Variants in COMMD10 observed in about 807,000 individuals in gnomAD.
COMMD10 encodes COMM domain containing 10.
COMMD10 carries 33 observed loss-of-function variants against 28.9 expected under a neutral mutation model. The observed-to-expected ratio is 1.14, with a 90% CI of 0.87 to 1.53. The LOEUF is 1.53. Ranked by LOEUF, COMMD10 falls within the 40% of genes most tolerant of loss-of-function variation. COMMD10 has a pLI of 0.00. For missense variants in COMMD10, 310 were observed against 233.4 expected (o/e 1.33, Z -2.14); for synonymous variants, 110 against 81.7 (o/e 1.35, Z -1.87).
intron 5 of COMMD10, among the ~76,000 whole-genome samples, chr5:116,277,965 A>T (rs958757155): frequency 1.3e-5 from 2 of 151,882 alleles, no homozygotes; most frequent in African/African-American, 4.9e-5. Flanking sequence ...GAGAAACCTA[A>T]ATTTGAATGT....
At chr5:116,156,842 G>T (rs894377088) in intron 5 of COMMD10, among the ~76,000 whole-genome samples, 6 of 152,124 alleles carry the variant, frequency 3.9e-5, no homozygotes, top group African/African-American at 1.4e-4. Flanking sequence ...GAGATGAGAA[G>T]AGTTGTATTT....
At chr5:116,238,863 A>G (rs1357540831) in intron 5 of COMMD10, among the ~76,000 whole-genome samples, 1 of 152,194 alleles carries the variant, frequency 6.6e-6, no homozygotes, top group Non-Finnish European at 1.5e-5. Context: ...ACTTACAAAT[A>G]TGTATCTGTT....
At chr5:116,085,185 C>T (rs1750047443) in intron 1 of COMMD10, 92 bp downstream of exon 1, 2 of 700,340 alleles carry the variant, frequency 2.9e-6, no homozygotes, top group Non-Finnish European at 4.3e-6. Context: ...GCCGCCTGGG[C>T]GCCGCGGCGG....
rs545490069 is a variant in COMMD10, at chr5:116,139,790, C to T, written c.510+5612C>T. 7.9e-5 allele frequency among the ~76,000 whole-genome samples: 12 copies of T among 151,666 alleles called. 1 individual carries two copies. The South Asian group carries it at 1.9e-3, about 24-fold the overall frequency. ...TTAAATTGTATATATTTAAGGTATA[C>T]GGCATGCTGTTTTGATATAAATATA... On this transcript the variant is annotated intron_variant, in intron 5 of 6. Transcript: ENST00000274458.
At chr5:116,291,059 C>T (rs1325212358) in intron 5 of COMMD10, among the ~76,000 whole-genome samples, 1 of 152,084 alleles carries the variant, frequency 6.6e-6, no homozygotes, top group Non-Finnish European at 1.5e-5. Flanking sequence ...ATGTTGAGAT[C>T]ACAACTGCTA....
In COMMD10 at chr5:116,293,002, A is replaced by G. The variant is rs1472840556; in HGVS notation, c.*513A>G. 2 of 397,288 alleles carry G rather than the reference A, an allele frequency of 5.0e-6. No individual in the cohort carries two copies. The highest frequency in any genetic ancestry group is 3.6e-5 in the East Asian group (1 of 27,930). The allele number at this position is 397,288 out of a possible 1,614,324, so 24.6% of individuals were successfully genotyped here. Reference sequence around the variant, plus strand: ...CGGAAATAATATAGGAAGGAAATGTAAAATAGTGAGTAGTATGGTATCAGT... The same window carrying G: ...CGGAAATAATATAGGAAGGAAATGTGAAATAGTGAGTAGTATGGTATCAGT... On this transcript the variant is annotated 3_prime_UTR_variant, in exon 7 of 7. Transcript: ENST00000274458.
chr5:116,266,209 A>T (rs1347833197), intron 5 of COMMD10, among the ~76,000 whole-genome samples: 2 of 151,754 alleles, frequency 1.3e-5, no homozygotes, highest in Non-Finnish European at 2.9e-5. Flanking sequence ...ATTTGACTAT[A>T]TGAAAAAGAA....
At chr5:116,111,603 TG>T (rs1751048125) in intron 4 of COMMD10, among the ~76,000 whole-genome samples, 1 of 152,176 alleles carries the variant, frequency 6.6e-6, no homozygotes, top group African/African-American at 2.4e-5. Flanking sequence ...ATTGATTTCT[TG>T]GTATTGGTTT....
intron 5 of COMMD10, among the ~76,000 whole-genome samples, chr5:116,290,235 G>C (rs1561411259): frequency 6.6e-6 from 1 of 151,838 alleles, no homozygotes; most frequent in Non-Finnish European, 1.5e-5. Context: ...AGATGATGCT[G>C]ATTAAATCTT....
At chr5:116,264,039 T>C (rs1750519098) in intron 5 of COMMD10, among the ~76,000 whole-genome samples, 1 of 151,848 alleles carries the variant, frequency 6.6e-6, no homozygotes, top group Non-Finnish European at 1.5e-5. Flanking sequence ...AGCTAGACTT[T>C]ATTCAGAGTG....
chr5:116,204,405 T>C (rs1009103131), intron 5 of COMMD10, among the ~76,000 whole-genome samples: 12 of 152,224 alleles, frequency 7.9e-5, no homozygotes, highest in African/African-American at 2.9e-4. Flanking sequence ...TAATACCATA[T>C]TCATTTAGAT....
At chr5:116,158,166 T>TCTCCCTCCGTCTCCC (rs1752789325) in intron 5 of COMMD10, among the ~76,000 whole-genome samples, 1 of 47,440 alleles carries the variant, frequency 2.1e-5, no homozygotes, top group African/African-American at 2.2e-4. Flanking sequence ...CCCTCCCTCC[T>TCTCCCTCCGTCTCCC]CTCCCTCCGT....
rs1288925470 is a variant in COMMD10, at chr5:116,292,718, C to T, written c.*229C>T. 1 of 417,012 alleles carries T rather than the reference C, an allele frequency of 2.4e-6. No homozygotes were observed. The highest frequency in any genetic ancestry group is 4.2e-6 in the Non-Finnish European group (1 of 235,876). 25.8% of individuals were successfully genotyped at this position (417,012 alleles called of 1,614,324 possible). On this transcript the variant is annotated 3_prime_UTR_variant, in exon 7 of 7. Transcript: ENST00000274458. ...GAGCCAACAGTAATTATTAAGAACA[C>T]TTTCCCTTTAAAGGAAACAAAAGTG...
intron 4 of COMMD10, among the ~76,000 whole-genome samples, chr5:116,117,063 C>G (rs1751265053): frequency 1.3e-5 from 2 of 152,090 alleles, no homozygotes; most frequent in Admixed American, 6.5e-5. Flanking sequence ...GACTGTCACT[C>G]AAAATAATTT....
rs915488804 is a variant in COMMD10, at chr5:116,233,311, T to C, written c.511-58206T>C. 3.3e-5 allele frequency among the ~76,000 whole-genome samples: 5 copies of C among 152,108 alleles called. No individual in the cohort carries two copies. In the South Asian group the frequency reaches 1.0e-3, roughly 31 times the overall value. On this transcript the variant is annotated intron_variant, in intron 5 of 6. Transcript: ENST00000274458. ...TGTTAATCTTTTACAGTGCTTAATA[T>C]ACAAATTAAATTTTATCATAGGTAT...
In COMMD10 at chr5:116,179,071, A is replaced by C. The variant is rs548607637; in HGVS notation, c.510+44893A>C. Among the ~76,000 whole-genome samples, 22 of 121,026 alleles carry C rather than the reference A, an allele frequency of 1.8e-4. No individual in the cohort carries two copies. In the South Asian group the frequency reaches 4.4e-3, roughly 24 times the overall value. 79.4% of individuals were successfully genotyped at this position (121,026 alleles called of 152,430 possible). Reference sequence around the variant, plus strand: ...TATGTAATTTTATGATTCCATAGGTAAAATAGCTGAAAGAGAACCATTATG... The same window carrying C: ...TATGTAATTTTATGATTCCATAGGTCAAATAGCTGAAAGAGAACCATTATG... On this transcript the variant is annotated intron_variant, in intron 5 of 6. Transcript: ENST00000274458.
intron 5 of COMMD10, among the ~76,000 whole-genome samples, chr5:116,181,600 T>A (rs188660783): frequency 3.9e-5 from 6 of 152,024 alleles, no homozygotes; most frequent in Admixed American, 2.6e-4. Context: ...TTTTGTCGAA[T>A]TCTAGAAATA....
intron 5 of COMMD10, among the ~76,000 whole-genome samples, chr5:116,286,352 A>G (rs1182878928): frequency 6.9e-6 from 1 of 144,616 alleles, no homozygotes; most frequent in Non-Finnish European, 1.5e-5. Context: ...TGATTTTTCT[A>G]TGTCATTTAT....
At chr5:116,211,995 C>T (rs1227029174) in intron 5 of COMMD10, among the ~76,000 whole-genome samples, 1 of 152,074 alleles carries the variant, frequency 6.6e-6, no homozygotes, top group African/African-American at 2.4e-5. Context: ...ATACCTGCTT[C>T]TTTGTGTTGA....
Sources: gnomAD v4.1 joint callset for allele counts (sites outside exome capture counted in the v4.1 genomes callset) on GRCh38, gnomAD v4.1.1 for gene constraint, MANE v1.5 for transcripts, NCBI Gene and HGNC (gene_info 2026-07-23, HGNC 2026-07-21) for gene names.